The following PPFIA3 variants were observed in gnomAD, a reference collection of about 807,000 sequenced individuals.
PPFIA3 encodes the protein liprin-alpha-3.
PPFIA3 carries 26 observed loss-of-function variants against 145.8 expected under a neutral mutation model. The ratio of observed to expected loss-of-function variants is 0.18; its 90% CI spans 0.13 to 0.25. The LOEUF (loss-of-function observed/expected upper bound fraction) is 0.25, where lower values mean the gene tolerates loss of function less well. PPFIA3 is among the 10% of genes least tolerant of loss of function. The pLI, the probability that PPFIA3 is intolerant of heterozygous loss-of-function variation, is 1.00. For synonymous variants in PPFIA3, 645 were observed against 661.4 expected (o/e 0.98, Z 0.38); for missense variants, 1,008 against 1,587.8 (o/e 0.63, Z 6.21).
At position 49,141,937 on chromosome 19, in the gene PPFIA3, A is replaced by G. The variant is rs1000273117; in HGVS notation, c.2463-97A>G. 3.2e-5 allele frequency: 23 copies of G among 711,918 alleles called. 1 individual carries two copies. The highest frequency in any genetic ancestry group is 1.5e-4 in the African/African-American group (8 of 53,518). 44.1% of individuals were successfully genotyped at this position (711,918 alleles called of 1,614,324 possible). Reference sequence around the variant, plus strand: ...ATAAAAGCTGCGTGTGCGTATGTGCATGTGTGTGTGTGTGTATGTGTGCTG... The same window carrying G: ...ATAAAAGCTGCGTGTGCGTATGTGCGTGTGTGTGTGTGTGTATGTGTGCTG... On this transcript the variant is annotated intron_variant, in intron 19 of 29. Transcript: ENST00000334186.
chr19:49,149,193 A>G lies in PPFIA3; in HGVS notation c.3285+25A>G. On this transcript the variant is annotated intron_variant, in intron 26 of 29. Transcript: ENST00000334186. This position sits in a 1 kb window ranked among gnomAD's most constrained non-coding sequence, Gnocchi z 5.7. ...GGTGAGCTGCCGCTGGGCCCGGAGC[A>G]TGCTGGGCGTCCCCACCTCGCAGAC... The G allele has an allele frequency of 6.2e-7, 1 of 1,613,858 alleles. No individual in the cohort carries two copies. Among genetic ancestry groups the G allele is most frequent in the South Asian group, 1.1e-5 (1 of 91,044 alleles).
intron 23 of PPFIA3, chr19:49,146,509 G>C: frequency 2.2e-6 from 1 of 455,050 alleles, no homozygotes; most frequent in Non-Finnish European, 4.0e-6. Context: ...CCCTATAGTG[G>C]AGGGGGCGGG....
In PPFIA3 at chr19:49,133,560, A is replaced by G. The variant is rs1464704026; in HGVS notation, c.1161+189A>G. On this transcript the variant is annotated intron_variant, in intron 9 of 29. Transcript: ENST00000334186. The surrounding 1 kb of genome is among the most constrained non-coding windows in gnomAD (Gnocchi z 7.2). ...GCCTGGAGGTTTGCGCGGGGGACGG[A>G]TGGGAGCGGGGTTCTCTAGCCTGGA... Among the ~76,000 whole-genome samples, 2 of 151,876 alleles carry G rather than the reference A, an allele frequency of 1.3e-5. No individual in the cohort carries two copies. Among genetic ancestry groups the G allele is most frequent in the Admixed American group, 1.3e-4 (2 of 15,238 alleles).
chr19:49,122,780 G>C (rs2040952542), intron 1 of PPFIA3, among the ~76,000 whole-genome samples: 1 of 147,052 alleles, frequency 6.8e-6, no homozygotes. Flanking sequence ...GGAGTGCAGT[G>C]GCGCAATCTC....
intron 18 of PPFIA3, among the ~76,000 whole-genome samples, chr19:49,140,640 T>A (rs986412210): frequency 4.3e-5 from 1 of 23,086 alleles, no homozygotes; most frequent in Non-Finnish European, 8.5e-5. Flanking sequence ...CTCATTTACC[T>A]TTTTTTTTTT....
intron 23 of PPFIA3, among the ~76,000 whole-genome samples, chr19:49,147,061 T>C (rs900629084): frequency 1.4e-4 from 22 of 152,214 alleles, no homozygotes; most frequent in Non-Finnish European, 1.9e-4. Context: ...TTTGTGCTGA[T>C]GCTGAAAGGA....
rs774142882 is a variant in PPFIA3 at position 49,143,004 on chromosome 19, T to G, written c.2745T>G (p.Thr915=). ...TSPSAPASSR[T]STGNVWMTHE... is the part of the protein sequence containing the mutation. ...CCTCAGCCCCCGCCTCCTCCCGCAC[T>G]GTGAGTGTCCGGCGGCCAATTCCAG... The change falls in exon 21 of 30, where the codon ACT becomes ACG. Residue 915 remains threonine, a splice_region_variant and synonymous_variant. Transcript: ENST00000334186. The G allele has an allele frequency of 1.0e-4, 161 of 1,602,934 alleles. No individual in the cohort carries two copies. The highest frequency in any genetic ancestry group is 1.3e-4 in the Non-Finnish European group (149 of 1,177,024).
chr19:49,149,198 G>C lies in PPFIA3; in HGVS notation c.3285+30G>C. On this transcript the variant is annotated intron_variant, in intron 26 of 29. Transcript: ENST00000334186. The surrounding 1 kb of genome is among the most constrained non-coding windows in gnomAD (Gnocchi z 5.7). ...GCTGCCGCTGGGCCCGGAGCATGCT[G>C]GGCGTCCCCACCTCGCAGACTGCAC... The C allele has an allele frequency of 6.2e-7, 1 of 1,613,886 alleles. No individual in the cohort carries two copies. The highest frequency in any genetic ancestry group is 8.5e-7 in the Non-Finnish European group (1 of 1,179,902).
rs990730395 is a variant in PPFIA3, at chr19:49,149,932, G to T, written c.3527-148G>T. 1.6e-5 allele frequency: 18 copies of T among 1,158,742 alleles called. No individual in the cohort carries two copies. The highest frequency in any genetic ancestry group is 2.2e-5 in the Non-Finnish European group (18 of 825,024). 71.8% of individuals were successfully genotyped at this position (1,158,742 alleles called of 1,614,324 possible). Reference sequence around the variant, plus strand: ...GAGTGAACTCGCCCAATGCGAGTTTGAGTCCTTGGCTGCGGGGAAGGGAGG... The same window carrying T: ...GAGTGAACTCGCCCAATGCGAGTTTTAGTCCTTGGCTGCGGGGAAGGGAGG... On this transcript the variant is annotated intron_variant, in intron 28 of 29. Coordinates refer to ENST00000334186, the MANE Select transcript of PPFIA3 (RefSeq NM_003660.4). This position sits in a 1 kb window ranked among gnomAD's most constrained non-coding sequence, Gnocchi z 5.7.
chr19:49,148,581 C>A, intron 24 of PPFIA3, 85 bp from the exon 25 acceptor site: 2 of 1,085,396 alleles, frequency 1.8e-6, no homozygotes, highest in East Asian at 2.5e-5. Context: ...CCAAGAAGAG[C>A]GCAGCCAGTG....
intron 10 of PPFIA3, 32 bp from the exon 11 acceptor site, chr19:49,134,002 C>G (rs1051136401): frequency 6.2e-7 from 1 of 1,605,730 alleles, no homozygotes; most frequent in African/African-American, 1.3e-5. Flanking sequence ...GCAGGGTGGG[C>G]TTAACAACCC....
At position 49,149,807 on chromosome 19, in the gene PPFIA3, A is replaced by G. The variant is rs1600357057; in HGVS notation, c.3526+89A>G. 1 of 1,461,876 alleles carries G rather than the reference A, an allele frequency of 6.8e-7. No homozygotes were observed. Among genetic ancestry groups the G allele is most frequent in the African/African-American group, 1.4e-5 (1 of 71,078 alleles). The allele number at this position is 1,461,876 out of a possible 1,614,324, so 90.6% of individuals were successfully genotyped here. On this transcript the variant is annotated intron_variant, in intron 28 of 29. Transcript: ENST00000334186. This position sits in a 1 kb window ranked among gnomAD's most constrained non-coding sequence, Gnocchi z 5.7. ...AGTAGTCCGGGTTCTGGAATGGCCT[A>G]GTCCTTTCTCGCCCACCCCTGAGGA... is the stretch of plus-strand genomic sequence containing the variant.
At chr19:49,148,605 AGGAGCAGCAGTCTAGGG>A in intron 24 of PPFIA3, 44 bp from the exon 25 acceptor site, 1 of 1,333,794 alleles carries the variant, frequency 7.5e-7, no homozygotes, top group African/African-American at 1.4e-5. Flanking sequence ...AGGGACCCGT[AGGAGCAGCAGTCTAGGG>A]GACTGGAAAG....
intron 1 of PPFIA3, among the ~76,000 whole-genome samples, chr19:49,122,164 T>G (rs1298064309): frequency 6.8e-6 from 1 of 147,972 alleles, no homozygotes; most frequent in African/African-American, 2.5e-5. Context: ...CACCACAACC[T>G]CTGCCTCCCG....
rs753244533 is a variant in PPFIA3 at position 49,128,104 on chromosome 19, G to A, written c.231G>A (p.Ala77=). 2 of 1,562,498 alleles carry A rather than the reference G, an allele frequency of 1.3e-6. No individual in the cohort carries two copies. Among genetic ancestry groups the A allele is most frequent in the Non-Finnish European group, 1.7e-6 (2 of 1,163,188 alleles). The change falls in exon 2 of 30, where the codon GCG becomes GCA. Residue 77 remains alanine (A), a synonymous_variant. Transcript: ENST00000334186. The surrounding 1 kb of genome is among the most constrained non-coding windows in gnomAD (Gnocchi z 4.1). ...CGCTGCAGCGCCAGCTCAGCATCGC[G>A]CTGCCCCAGGTCTGGGCGGGACAGG... The part of the protein sequence containing the change: ...KDSLQRQLSI[A]LPQEFAALTK...
intron 17 of PPFIA3, 28 bp downstream of exon 17, chr19:49,139,859 G>A (rs759178597): frequency 6.2e-7 from 1 of 1,610,588 alleles, no homozygotes; most frequent in South Asian, 1.1e-5. Flanking sequence ...ATAGGGACAG[G>A]GAGAAGCTGG....
At position 49,133,214 on chromosome 19, in the gene PPFIA3, C is replaced by T. The variant is rs1244959558; in HGVS notation, c.1027-23C>T. On this transcript the variant is annotated intron_variant, in intron 8 of 29. Transcript: ENST00000334186. The surrounding 1 kb of genome is among the most constrained non-coding windows in gnomAD (Gnocchi z 7.2). Reference sequence around the variant, plus strand: ...GCCCAAGTGACCCAGCCCGTCCCCTCCCCCTGCCTCTCCCTCCCCCAGAGT... The same window carrying T: ...GCCCAAGTGACCCAGCCCGTCCCCTTCCCCTGCCTCTCCCTCCCCCAGAGT... 1.2e-5 allele frequency: 19 copies of T among 1,592,096 alleles called. No individual in the cohort carries two copies. Among genetic ancestry groups the T allele is most frequent in the Non-Finnish European group, 1.6e-5 (19 of 1,167,148 alleles).
intron 1 of PPFIA3, among the ~76,000 whole-genome samples, chr19:49,122,078 A>ATT (rs4002359): frequency 0.22 from 29,492 of 131,684 alleles, 3,974 homozygotes; most frequent in South Asian, 0.33. Context: ...CCAGATGCCA[A>ATT]TTTTTTTTTT....
rs554788776 is a variant in PPFIA3 at position 49,131,008 on chromosome 19, C to T, written c.879+409C>T. Among the ~76,000 whole-genome samples the T allele has an allele frequency of 4.3e-4, 61 of 142,162 alleles. 1 individual carries two copies. The highest frequency in any genetic ancestry group is 1.6e-3 in the African/African-American group (59 of 37,916). 93.3% of individuals were successfully genotyped at this position (142,162 alleles called of 152,430 possible). A position where few individuals can be genotyped will look rare whatever the true frequency, so the allele number is the denominator to read the frequency against. ...TCCCAAGTAGCTAGAACTACAGGCA[C>T]CTGCCACCATGCACCGCTAATTTTT... On this transcript the variant is annotated intron_variant, in intron 7 of 29. Coordinates refer to ENST00000334186, the MANE Select transcript of PPFIA3 (RefSeq NM_003660.4).
Sources: gnomAD v4.1 joint callset for allele counts (sites outside exome capture counted in the v4.1 genomes callset) on GRCh38, gnomAD v4.1.1 for gene constraint, Gnocchi (gnomAD v3.1) non-coding constraint, MANE v1.5 for transcripts, NCBI Gene and HGNC (gene_info 2026-07-23, HGNC 2026-07-21) for gene names.